Variants in TAF3 observed in about 807,000 individuals in gnomAD.
TAF3 encodes transcription initiation factor TFIID subunit 3.
A neutral mutation model predicts 80.6 loss-of-function variants in TAF3; 7 were observed. The ratio of observed to expected loss-of-function variants is 0.09; its 90% CI spans 0.05 to 0.16. The LOEUF (loss-of-function observed/expected upper bound fraction) is 0.16. Ranked by LOEUF, TAF3 falls within the 10% of genes least tolerant of loss-of-function variation. The pLI is 1.00. For synonymous variants in TAF3, 444 were observed against 446.1 expected (o/e 1.00, Z 0.06); for missense variants, 921 against 1,140.2 (o/e 0.81, Z 2.77).
At chr10:7,999,122 G>A (rs1831918484) in intron 4 of TAF3, among the ~76,000 whole-genome samples, 1 of 152,126 alleles carries the variant, frequency 6.6e-6, no homozygotes, top group Non-Finnish European at 1.5e-5. Flanking sequence ...GGAAAGAACA[G>A]AGGAAATGGT....
intron 2 of TAF3, chr10:7,833,831 G>C (rs1836824742): frequency 4.7e-6 from 3 of 643,174 alleles, no homozygotes; most frequent in South Asian, 5.1e-5. Flanking sequence ...CAGCAGAACT[G>C]TCTCCCTTCC....
intron 2 of TAF3, among the ~76,000 whole-genome samples, chr10:7,829,083 T>A (rs574869238): frequency 4.1e-4 from 61 of 149,294 alleles, no homozygotes; most frequent in Admixed American, 1.5e-3. Flanking sequence ...TACCCTGACT[T>A]ATTGCAGGAA....
intron 2 of TAF3, among the ~76,000 whole-genome samples, chr10:7,888,486 G>A (rs897003025): frequency 3.3e-5 from 5 of 149,602 alleles, no homozygotes; most frequent in South Asian, 2.1e-4. Context: ...GGCTCAGGTC[G>A]TATCACAGGC....
At chr10:7,997,874 G>A (rs1009446282) in intron 4 of TAF3, among the ~76,000 whole-genome samples, 2 of 152,308 alleles carry the variant, frequency 1.3e-5, no homozygotes, top group East Asian at 3.9e-4. Flanking sequence ...ATAAAGGCCA[G>A]CAGGAATTCA....
chr10:7,865,695 A>G (rs561336383), intron 2 of TAF3, among the ~76,000 whole-genome samples: 7 of 152,314 alleles, frequency 4.6e-5, no homozygotes, highest in Admixed American at 3.3e-4. Context: ...TTTCACAGGC[A>G]GGGGTGAAGG....
At chr10:7,918,840 A>G (rs1001043412) in intron 2 of TAF3, among the ~76,000 whole-genome samples, 1 of 152,168 alleles carries the variant, frequency 6.6e-6, no homozygotes, top group Non-Finnish European at 1.5e-5. Flanking sequence ...TTTCATTCCA[A>G]GATGTTTACT....
In TAF3 at chr10:8,015,044, G is replaced by A. The variant is rs200013312; in HGVS notation, c.*293G>A. 3.5e-5 allele frequency: 9 copies of A among 259,732 alleles called. No homozygotes were observed. In the East Asian group the frequency reaches 5.8e-4, roughly 17 times the overall value. The allele number at this position is 259,732 out of a possible 1,614,324, so 16.1% of individuals were successfully genotyped here. ...GTGACAAGTATTATTAATAAAGAGC[G>A]TACATCTTCCCTTTTGATTTCCTTT... On this transcript the variant is annotated 3_prime_UTR_variant, in exon 7 of 7. Coordinates refer to ENST00000344293, the MANE Select transcript of TAF3 (RefSeq NM_031923.4).
At chr10:7,879,699 C>T (rs1837342164) in intron 2 of TAF3, among the ~76,000 whole-genome samples, 1 of 152,118 alleles carries the variant, frequency 6.6e-6, no homozygotes, top group Non-Finnish European at 1.5e-5. Context: ...TCACTTTATT[C>T]ATCTGATGGG....
At chr10:8,000,322 G>T (rs961334736) in intron 4 of TAF3, among the ~76,000 whole-genome samples, 13 of 152,022 alleles carry the variant, frequency 8.6e-5, no homozygotes, top group African/African-American at 3.1e-4. Context: ...TCACTATGTT[G>T]GCCAGGCTGG....
chr10:7,889,398 C>T (rs1226900283), intron 2 of TAF3, among the ~76,000 whole-genome samples: 1 of 152,218 alleles, frequency 6.6e-6, no homozygotes, highest in African/African-American at 2.4e-5. Context: ...TTAATCTTCA[C>T]AACAACCCTG....
chr10:7,905,998 A>G (rs894651598), intron 2 of TAF3, among the ~76,000 whole-genome samples: 1 of 152,238 alleles, frequency 6.6e-6, no homozygotes, highest in Non-Finnish European at 1.5e-5. Flanking sequence ...GCAACTGCTG[A>G]TCAGGCAAAA....
At chr10:7,925,663 T>A (rs1837807260) in intron 2 of TAF3, among the ~76,000 whole-genome samples, 1 of 151,642 alleles carries the variant, frequency 6.6e-6, no homozygotes, top group Non-Finnish European at 1.5e-5. Flanking sequence ...AAATTAGGCA[T>A]GATGGTGTGC....
chr10:7,941,603 C>G (rs1420509301), intron 2 of TAF3, among the ~76,000 whole-genome samples: 1 of 152,192 alleles, frequency 6.6e-6, no homozygotes, highest in African/African-American at 2.4e-5. Flanking sequence ...TCACTGTATC[C>G]TCATCATCCT....
intron 2 of TAF3, among the ~76,000 whole-genome samples, chr10:7,872,418 G>A (rs12569614): frequency 6.6e-6 from 1 of 152,040 alleles, no homozygotes; most frequent in Non-Finnish European, 1.5e-5. Flanking sequence ...GCCAATGCCA[G>A]AACTGTTGCC....
intron 2 of TAF3, among the ~76,000 whole-genome samples, chr10:7,868,043 C>T (rs1837231543): frequency 1.3e-5 from 2 of 151,872 alleles, no homozygotes; most frequent in Non-Finnish European, 2.9e-5. Context: ...GTTGTTGATC[C>T]TTGTCATCTT....
chr10:7,968,326 G>C (rs1831592009), intron 3 of TAF3, among the ~76,000 whole-genome samples: 1 of 152,154 alleles, frequency 6.6e-6, no homozygotes, highest in African/African-American at 2.4e-5. Flanking sequence ...CGGCAAGCAA[G>C]AGCATTTGTT....
intron 2 of TAF3, among the ~76,000 whole-genome samples, chr10:7,953,374 C>T (rs986729885): frequency 6.6e-6 from 1 of 152,182 alleles, no homozygotes; most frequent in African/African-American, 2.4e-5. Flanking sequence ...GTAGCTCTGT[C>T]CTGCCCTTTA....
Position 7,839,205 on chromosome 10 carries a change from C to T in TAF3, c.409+14645C>T, listed in dbSNP as rs979568119. ...TCAGCTCATGCTGGCATGGAGTTCTCGTCCATCACCATGCCCACCCTGGCT... is the reference window on the plus strand; with the variant it reads ...TCAGCTCATGCTGGCATGGAGTTCTTGTCCATCACCATGCCCACCCTGGCT... On this transcript the variant is annotated intron_variant, in intron 2 of 6. Transcript: ENST00000344293. 4.6e-5 allele frequency among the ~76,000 whole-genome samples: 7 copies of T among 152,092 alleles called. No individual in the cohort carries two copies. In the East Asian group the frequency reaches 1.2e-3, roughly 25 times the overall value.
intron 3 of TAF3, among the ~76,000 whole-genome samples, chr10:7,967,420 T>C (rs1831583055): frequency 6.6e-6 from 1 of 152,172 alleles, no homozygotes; most frequent in South Asian, 2.1e-4. Flanking sequence ...TCTACCTGAC[T>C]TTAGGGAAGA....
Sources: gnomAD v4.1 joint callset for allele counts (sites outside exome capture counted in the v4.1 genomes callset) on GRCh38, gnomAD v4.1.1 for gene constraint, MANE v1.5 for transcripts, NCBI Gene and HGNC (gene_info 2026-07-23, HGNC 2026-07-21) for gene names.